ZNF560: variants seen among roughly 807,000 people sequenced by gnomAD.
The protein encoded by ZNF560 is zinc finger protein 560.
In ZNF560, 54 loss-of-function variants were observed where a neutral mutation model predicts 81.8. The ratio of observed to expected loss-of-function variants is 0.66; its 90% CI spans 0.53 to 0.83. ZNF560 has a LOEUF of 0.83. Among genes scored for constraint, ZNF560 ranks in the 40% least tolerant of loss-of-function variants. The pLI, the probability that ZNF560 is intolerant of heterozygous loss-of-function variation, is 0.00. For synonymous variants in ZNF560, 321 were observed against 317.9 expected (o/e 1.01, Z -0.10); for missense variants, 940 against 932.4 (o/e 1.01, Z -0.11).
Position 9,468,408 on chromosome 19 carries a change from CATG to C in ZNF560, c.613-77_613-75del, listed in dbSNP as rs529335986. 3.6e-4 allele frequency: 415 copies of C among 1,166,924 alleles called. 6 individuals are homozygous for C. In the South Asian group the frequency reaches 3.8e-3, roughly 11 times the overall value. The allele number at this position is 1,166,924 out of a possible 1,614,324, so 72.3% of individuals were successfully genotyped here. On this transcript the variant is annotated intron_variant, in intron 9 of 9. Transcript: ENST00000301480. ...TAATAGATACCACTCTTCTAAGAAA[CATG>C]ATAATTATTATTTTTGCCACTTTTA...
intron 2 of ZNF560, among the ~76,000 whole-genome samples, chr19:9,476,625 G>A (rs537797304): frequency 4.2e-4 from 64 of 152,194 alleles, no homozygotes; most frequent in African/African-American, 1.1e-3. Flanking sequence ...GCATTTCCCC[G>A]GCTTGCACCC....
At chr19:9,462,840 C>G (rs1399875615), downstream of ZNF560, among the ~76,000 whole-genome samples, 1 of 152,092 alleles carries the variant, frequency 6.6e-6, no homozygotes, top group Admixed American at 6.6e-5. Flanking sequence ...GTCCTAGGTA[C>G]CTGAATTTTC....
At chr19:9,446,979 C>G in the ZNF560 span, among the ~76,000 whole-genome samples, 1 of 151,752 alleles carries the variant, frequency 6.6e-6, no homozygotes, top group African/African-American at 2.4e-5. Flanking sequence ...GATAAAAATA[C>G]AAAAATTAGC....
rs1240542038 is a variant in ZNF560 at position 9,466,825 on chromosome 19, T to C, written c.2122A>G (p.Lys708Glu). 1 of 1,613,392 alleles carries C rather than the reference T, an allele frequency of 6.2e-7. No homozygotes were observed. Among genetic ancestry groups the C allele is most frequent in the Non-Finnish European group, 8.5e-7 (1 of 1,179,832 alleles). ...CFHDRLKTLT[K>E]IKPYKCKDCG... ...TCCTTACATTTATAGGGTTTTATTT[T>C]GGTGAGAGTTTTTAAGCGATCATGA... The change falls in exon 10 of 10, where the codon AAA becomes GAA. Residue 708 changes from lysine (K) to glutamate (E), a missense_variant. Lys to Glu is a moderately conservative substitution (Grantham distance 56, BLOSUM62 1). Transcript: ENST00000301480.
At position 9,468,225 on chromosome 19, in the gene ZNF560, G is replaced by C; in HGVS notation, c.722C>G (p.Thr241Arg). 1 of 1,614,054 alleles carries C rather than the reference G, an allele frequency of 6.2e-7. No individual in the cohort carries two copies. The highest frequency in any genetic ancestry group is 8.5e-7 in the Non-Finnish European group (1 of 1,179,976). Reference protein sequence around the residue: ...TNMSTQNRGNTSECIQYAKDL... With the variant: ...TNMSTQNRGNRSECIQYAKDL... ...TTTTGCATACTGAATACATTCAGAC[G>C]TGTTGCCTCTATTTTGAGTACTCAT... Residue 241 changes from threonine (T) to arginine (R), a missense_variant, in exon 10 of 10, where the codon ACG (threonine) becomes AGG (arginine). By Grantham distance (71) the Thr-to-Arg change is moderately conservative. Transcript: ENST00000301480.
chr19:9,499,507 T>C (rs1332571061), upstream of ZNF560, among the ~76,000 whole-genome samples: 2 of 148,982 alleles, frequency 1.3e-5, no homozygotes, highest in East Asian at 3.8e-4. Context: ...CCTTATTGTA[T>C]TTTTTTTTCT....
chr19:9,494,130 C>CAAA (rs891546578), intron 2 of ZNF560, among the ~76,000 whole-genome samples: 2 of 67,196 alleles, frequency 3.0e-5, no homozygotes, highest in African/African-American at 9.7e-5. Context: ...GACTCCATCT[C>CAAA]AAAAAAAAAA....
the ZNF560 span, among the ~76,000 whole-genome samples, chr19:9,455,070 C>T: frequency 2.0e-5 from 3 of 152,074 alleles, no homozygotes; most frequent in Non-Finnish European, 4.4e-5. Flanking sequence ...AGTGACCGCC[C>T]TCAGTTCTAT....
chr19:9,493,272 C>CA lies in ZNF560; in HGVS notation c.-57+4855dup, dbSNP rs545164865. ...ATTCTGGCTGAGGGCAAGGAAAATA[C>CA]AAAAAATGTTCATCGAAAAAGTAAA... On this transcript the variant is annotated intron_variant, in intron 2 of 9. Coordinates refer to ENST00000301480, the MANE Select transcript of ZNF560 (RefSeq NM_152476.3). Among the ~76,000 whole-genome samples the CA allele has an allele frequency of 7.9e-5, 12 of 152,182 alleles. No homozygotes were observed. In the East Asian group the frequency reaches 1.5e-3, roughly 20 times the overall value.
rs181051682 is a variant in ZNF560 at position 9,479,507 on chromosome 19, G to A, written c.-56-4138C>T. Reference sequence around the variant, plus strand: ...AAAACCGTAACAGGACACAAAGGTCGTTATATGATAATAAAGGAATCTACC... The same window carrying A: ...AAAACCGTAACAGGACACAAAGGTCATTATATGATAATAAAGGAATCTACC... On this transcript the variant is annotated intron_variant, in intron 2 of 9. Transcript: ENST00000301480. Among the ~76,000 whole-genome samples the A allele has an allele frequency of 2.5e-4, 38 of 152,176 alleles. No individual in the cohort carries two copies. The South Asian group carries it at 3.7e-3, about 15-fold the overall frequency.
At chr19:9,487,139 A>AT (rs2073398441) in intron 2 of ZNF560, among the ~76,000 whole-genome samples, 1 of 152,200 alleles carries the variant, frequency 6.6e-6, no homozygotes, top group African/African-American at 2.4e-5. Flanking sequence ...AGCAGGGACA[A>AT]GCTCCATAAG....
At chr19:9,459,127 A>G in the ZNF560 span, among the ~76,000 whole-genome samples, 38 of 152,362 alleles carry the variant, frequency 2.5e-4, no homozygotes, top group African/African-American at 7.5e-4. Flanking sequence ...GGTATCCCAT[A>G]TAATTCTCAA....
At chr19:9,483,057 G>A (rs1421812175) in intron 2 of ZNF560, among the ~76,000 whole-genome samples, 15 of 152,224 alleles carry the variant, frequency 9.9e-5, no homozygotes, top group East Asian at 3.9e-4. Context: ...CCAAAGTGCC[G>A]AGATTGCAGC....
At chr19:9,488,071 T>G (rs1568463896) in intron 2 of ZNF560, among the ~76,000 whole-genome samples, 1 of 150,308 alleles carries the variant, frequency 6.7e-6, no homozygotes, top group African/African-American at 2.5e-5. Flanking sequence ...AGATCTCACA[T>G]AAATAGATTA....
intron 2 of ZNF560, among the ~76,000 whole-genome samples, chr19:9,483,758 C>T (rs201137203): frequency 8.1e-6 from 1 of 123,138 alleles, no homozygotes; most frequent in Non-Finnish European, 1.8e-5. Context: ...AAGTGAGGAG[C>T]CCCTCTGCCC....
At chr19:9,505,296 A>C in the ZNF560 span, among the ~76,000 whole-genome samples, 1 of 152,210 alleles carries the variant, frequency 6.6e-6, no homozygotes, top group East Asian at 1.9e-4. Flanking sequence ...AAAGTCTTTT[A>C]CTTAAAGTTC....
chr19:9,479,922 A>G (rs2073260027), intron 2 of ZNF560, among the ~76,000 whole-genome samples: 1 of 152,216 alleles, frequency 6.6e-6, no homozygotes, highest in Non-Finnish European at 1.5e-5. Flanking sequence ...TCCCCCACAG[A>G]TTCCAAAGGA....
At chr19:9,450,153 C>T in the ZNF560 span, among the ~76,000 whole-genome samples, 3 of 149,834 alleles carry the variant, frequency 2.0e-5, no homozygotes, top group African/African-American at 7.4e-5. Flanking sequence ...TAGCTGGACG[C>T]AGTGGCAGGC....
the ZNF560 span, among the ~76,000 whole-genome samples, chr19:9,455,692 A>T: frequency 6.6e-6 from 1 of 152,228 alleles, no homozygotes; most frequent in South Asian, 2.1e-4. Flanking sequence ...ATAGTGTTGC[A>T]GTTATTAGCT....
Sources: allele counts gnomAD v4.1 joint callset (sites outside exome capture counted in the v4.1 genomes callset), GRCh38; gene constraint gnomAD v4.1.1; transcripts MANE v1.5; gene names NCBI Gene and HGNC (gene_info 2026-07-23, HGNC 2026-07-21).